Variants in KIAA1549L observed in about 807,000 individuals in gnomAD.
The protein encoded by KIAA1549L is UPF0606 protein KIAA1549L.
Under a neutral mutation model 160.7 loss-of-function variants are expected in KIAA1549L, and 88 were observed. The observed-to-expected ratio is 0.55, with a 90% confidence interval of 0.46 to 0.65. KIAA1549L has a LOEUF of 0.65. Among genes scored for constraint, KIAA1549L ranks in the 30% least tolerant of loss-of-function variants. The pLI is 0.00. For synonymous variants in KIAA1549L, 950 were observed against 976.7 expected (o/e 0.97, Z 0.51); for missense variants, 2,258 against 2,437.5 (o/e 0.93, Z 1.55).
intron 12 of KIAA1549L, among the ~76,000 whole-genome samples, chr11:33,596,076 A>G (rs190886685): frequency 1.3e-5 from 2 of 152,338 alleles, no homozygotes; most frequent in Non-Finnish European, 2.9e-5. Flanking sequence ...CATGTTCGGC[A>G]GTTGATTAAT....
rs577234960 is a variant in KIAA1549L at position 33,619,587 on chromosome 11, A to AT, written c.5409+931dup. Among the ~76,000 whole-genome samples, 7 of 152,262 alleles carry AT rather than the reference A, an allele frequency of 4.6e-5. No individual in the cohort carries two copies. The South Asian group carries it at 1.5e-3, about 32-fold the overall frequency. On this transcript the variant is annotated intron_variant, in intron 16 of 20. Transcript: ENST00000658780. The stretch of plus-strand genomic sequence containing the variant: ...TTTTGCCACAAAACCTTAAAATGGG[A>AT]TTTTTTAATGGTCCAATTAAAAACA...
At chr11:33,570,706 A>C (rs1855224523) in intron 9 of KIAA1549L, among the ~76,000 whole-genome samples, 1 of 152,240 alleles carries the variant, frequency 6.6e-6, no homozygotes, top group Non-Finnish European at 1.5e-5. Context: ...AACTGTCTAG[A>C]ATCTAAAGAT....
chr11:33,464,475 T>TGTGTGC (rs1491540126), intron 1 of KIAA1549L, among the ~76,000 whole-genome samples: 1 of 26,640 alleles, frequency 3.8e-5, no homozygotes. Flanking sequence ...TGTGTGTGCA[T>TGTGTGC]GTGTGTGTGT....
intron 1 of KIAA1549L, among the ~76,000 whole-genome samples, chr11:33,501,334 A>C (rs1852943613): frequency 6.6e-6 from 1 of 152,254 alleles, no homozygotes; most frequent in African/African-American, 2.4e-5. Context: ...GGTGCTGTCA[A>C]AAAATTGGGA....
At chr11:33,588,079 GT>G (rs1423483462) in intron 11 of KIAA1549L, among the ~76,000 whole-genome samples, 1 of 152,194 alleles carries the variant, frequency 6.6e-6, no homozygotes, top group Non-Finnish European at 1.5e-5. Flanking sequence ...CTGAACCTCA[GT>G]TGCTTCATCT....
chr11:33,428,003 T>C (rs1222021672), intron 1 of KIAA1549L, among the ~76,000 whole-genome samples: 1 of 152,266 alleles, frequency 6.6e-6, no homozygotes. Context: ...CCCATTTTGC[T>C]TATCAGTTCG....
intron 1 of KIAA1549L, among the ~76,000 whole-genome samples, chr11:33,448,517 C>T (rs1425673486): frequency 6.6e-6 from 1 of 152,062 alleles, no homozygotes; most frequent in Non-Finnish European, 1.5e-5. Context: ...CTAGATAGAG[C>T]CACAGTTTGG....
At chr11:33,616,296 C>T (rs901401103) in intron 15 of KIAA1549L, among the ~76,000 whole-genome samples, 1 of 152,086 alleles carries the variant, frequency 6.6e-6, no homozygotes, top group South Asian at 2.1e-4. Flanking sequence ...GGCATATATC[C>T]TATCTTCTTA....
intron 1 of KIAA1549L, among the ~76,000 whole-genome samples, chr11:33,537,586 G>A (rs1201510483): frequency 6.6e-6 from 1 of 152,124 alleles, no homozygotes; most frequent in Admixed American, 6.5e-5. Context: ...TAATAATTAG[G>A]GAAATGTTCT....
rs1855113604 is a variant in KIAA1549L, at chr11:33,568,143, G to A, written c.4146G>A (p.Gln1382=). ...AGAGCTTTGCCCGGGTCATGGAGCA[G>A]CGCCTGGCCCAGCTATTCATGATGT... ...HNQSFARVME[Q]RLAQLFMMSQ... The change falls in exon 9 of 21, where the codon CAG becomes CAA. Residue 1382 remains glutamine, a synonymous_variant. Transcript: ENST00000658780. 6.2e-7 allele frequency: 1 copy of A among 1,613,168 alleles called. No homozygotes were observed. The highest frequency in any genetic ancestry group is 1.1e-5 in the South Asian group (1 of 90,830).
chr11:33,587,516 T>C (rs1053435517), intron 11 of KIAA1549L, among the ~76,000 whole-genome samples: 4 of 152,226 alleles, frequency 2.6e-5, no homozygotes, highest in African/African-American at 9.7e-5. Flanking sequence ...AATGTTTGCC[T>C]TGCTTACCTC....
intron 3 of KIAA1549L, among the ~76,000 whole-genome samples, chr11:33,546,830 T>C (rs1854281187): frequency 6.6e-6 from 1 of 152,186 alleles, no homozygotes; most frequent in Admixed American, 6.5e-5. Context: ...TGCATACCTA[T>C]GATAAAGCTT....
chr11:33,472,195 A>C (rs1214769789), intron 1 of KIAA1549L, among the ~76,000 whole-genome samples: 1 of 150,230 alleles, frequency 6.7e-6, no homozygotes, highest in East Asian at 2.0e-4. Context: ...AGTACAGTGC[A>C]GTGAACTCCT....
chr11:33,443,849 G>T (rs537555754), intron 1 of KIAA1549L, among the ~76,000 whole-genome samples: 1 of 152,282 alleles, frequency 6.6e-6, no homozygotes, highest in African/African-American at 2.4e-5. Flanking sequence ...AGAAAAAGTG[G>T]TTTATGATAG....
At chr11:33,633,717 T>C in intron 16 of KIAA1549L, among the ~76,000 whole-genome samples, 1 of 152,208 alleles carries the variant, frequency 6.6e-6, no homozygotes, top group African/African-American at 2.4e-5. Context: ...TGTTTTTAAT[T>C]ATGACTGTGG....
chr11:33,582,761 T>A (rs1364066948), intron 10 of KIAA1549L, among the ~76,000 whole-genome samples: 1 of 152,202 alleles, frequency 6.6e-6, no homozygotes, highest in East Asian at 1.9e-4. Flanking sequence ...GTTGCTCTTC[T>A]TTACTCTGGT....
chr11:33,435,814 G>GTATATATATATATGTATATATATA (rs751404275), intron 1 of KIAA1549L, among the ~76,000 whole-genome samples: 1 of 32,762 alleles, frequency 3.1e-5, no homozygotes, highest in Non-Finnish European at 5.3e-5. Context: ...ATATATATGT[G>GTATATATATATATGTATATATATA]TGTGTATATA....
In KIAA1549L at chr11:33,658,736, T is replaced by A; in HGVS notation, c.5859-14T>A. On this transcript the variant is annotated splice_polypyrimidine_tract_variant and intron_variant, in intron 18 of 20. Coordinates refer to ENST00000658780, the MANE Select transcript of KIAA1549L (RefSeq NM_012194.3). ...TCTGGGACAGTGCTAACGCAGTCCC[T>A]CTGCCCCATCTAGATCCACCTCAGA... The A allele has an allele frequency of 6.4e-7, 1 of 1,568,078 alleles. No individual in the cohort carries two copies. Among genetic ancestry groups the A allele is most frequent in the African/African-American group, 1.4e-5 (1 of 73,472 alleles).
intron 1 of KIAA1549L, among the ~76,000 whole-genome samples, chr11:33,402,971 A>G (rs554107635): frequency 3.7e-4 from 56 of 152,162 alleles, no homozygotes; most frequent in Non-Finnish European, 5.6e-4. Flanking sequence ...TTTCACGCCT[A>G]TGTCTTGTCA....
Sources: gnomAD v4.1 joint callset for allele counts (sites outside exome capture counted in the v4.1 genomes callset) on GRCh38, gnomAD v4.1.1 for gene constraint, MANE v1.5 for transcripts, NCBI Gene and HGNC (gene_info 2026-07-23, HGNC 2026-07-21) for gene names.